RASGRP2: variants seen among roughly 807,000 people sequenced by gnomAD.
RASGRP2 encodes the protein RAS guanyl releasing protein 2.
RASGRP2 carries 44 observed loss-of-function variants against 71.0 expected under a neutral mutation model. That is an observed-to-expected ratio of 0.62 (90% CI 0.49 to 0.80). The LOEUF is 0.80. Ranked by LOEUF, RASGRP2 falls within the 30% of genes least tolerant of loss-of-function variation. The pLI is 0.00. For missense variants in RASGRP2, 663 were observed against 813.4 expected (o/e 0.82, Z 2.25); for synonymous variants, 350 against 330.7 (o/e 1.06, Z -0.63).
In RASGRP2 at chr11:64,739,588, A is replaced by T; in HGVS notation, c.696+48T>A. The T allele has an allele frequency of 6.2e-7, 1 of 1,612,882 alleles. No homozygotes were observed. Among genetic ancestry groups the T allele is most frequent in the Non-Finnish European group, 8.5e-7 (1 of 1,179,074 alleles). ...TTAGGGGAAGGGAAGGGTTGGCCTG[A>T]CTGGCATGTGGGGTGGTTGGGAGAC... On this transcript the variant is annotated intron_variant, in intron 7 of 16. Coordinates refer to ENST00000394432, the MANE Select transcript of RASGRP2 (RefSeq NM_001098671.2). This position sits in a 1 kb window ranked among gnomAD's most constrained non-coding sequence, Gnocchi z 4.2.
At chr11:64,740,257 C>G in intron 5 of RASGRP2, 94 bp from the exon 6 acceptor site, 1 of 1,519,490 alleles carries the variant, frequency 6.6e-7, no homozygotes, top group Non-Finnish European at 9.1e-7. Flanking sequence ...TTACTGAGAA[C>G]CTACATAATG....
chr11:64,741,320 G>A (rs2135791582), intron 4 of RASGRP2, 119 bp downstream of exon 4: 1 of 1,234,468 alleles, frequency 8.1e-7, no homozygotes, highest in East Asian at 2.5e-5. Flanking sequence ...TGCCCACCCG[G>A]ACAAGCCAGG....
At position 64,743,887 on chromosome 11, in the gene RASGRP2, G is replaced by T; in HGVS notation, c.-72+116C>A. Reference sequence around the variant, plus strand: ...CGGGGACCTAAGTGGAGGTGCAGGCGTCCGCACTTACACGCACCGGGCCAC... The same window carrying T: ...CGGGGACCTAAGTGGAGGTGCAGGCTTCCGCACTTACACGCACCGGGCCAC... On this transcript the variant is annotated intron_variant, in intron 1 of 16. Coordinates refer to ENST00000394432, the MANE Select transcript of RASGRP2 (RefSeq NM_001098671.2). This position sits in a 1 kb window ranked among gnomAD's most constrained non-coding sequence, Gnocchi z 4.9. The T allele has an allele frequency of 1.4e-6, 1 of 710,022 alleles. No homozygotes were observed. Among genetic ancestry groups the T allele is most frequent in the Non-Finnish European group, 1.8e-6 (1 of 563,128 alleles). The allele number at this position is 710,022 out of a possible 1,614,324, so 44.0% of individuals were successfully genotyped here. A position where few individuals can be genotyped will look rare whatever the true frequency, so the allele number is the denominator to read the frequency against.
chr11:64,740,238 C>T, intron 5 of RASGRP2, 75 bp from the exon 6 acceptor site: 4 of 1,579,884 alleles, frequency 2.5e-6, no homozygotes, highest in Non-Finnish European at 3.5e-6. Flanking sequence ...ACAGACACAC[C>T]ATTCACGCTT....
In RASGRP2 at chr11:64,740,036, A is replaced by G. The variant is rs746074180; in HGVS notation, c.499T>C (p.Tyr167His). 3 of 1,613,830 alleles carry G rather than the reference A, an allele frequency of 1.9e-6. No homozygotes were observed. The highest frequency in any genetic ancestry group is 3.3e-5 in the Admixed American group (2 of 60,008). Residue 167 changes from tyrosine to histidine, a missense_variant, in exon 6 of 17, where the codon TAT becomes CAT. Physicochemically the swap from Tyr to His is moderately conservative, Grantham distance 83. Transcript: ENST00000394432. ...ELAEHLTYLE[Y>H]RSFCKILFQD... ...ACCAGGATCTTGCAGAAGGAGCGAT[A>G]CTCCAAGTAGGTGAGATGCTCCGCC...
In RASGRP2 at chr11:64,741,090, G is replaced by T; in HGVS notation, c.240-11C>A. On this transcript the variant is annotated splice_polypyrimidine_tract_variant and intron_variant, in intron 4 of 16. Transcript: ENST00000394432. Reference sequence around the variant, plus strand: ...GCGGAGATCCAGTACCTGGAGGAGCGGGGAGTCACCCAAGATAGCCCTTCC... The same window carrying T: ...GCGGAGATCCAGTACCTGGAGGAGCTGGGAGTCACCCAAGATAGCCCTTCC... 6.2e-7 allele frequency: 1 copy of T among 1,611,232 alleles called. No homozygotes were observed. Among genetic ancestry groups the T allele is most frequent in the Non-Finnish European group, 8.5e-7 (1 of 1,179,846 alleles).
chr11:64,742,688 G>A lies in RASGRP2; in HGVS notation c.73+106C>T. The A allele has an allele frequency of 6.2e-6, 9 of 1,445,864 alleles. No individual in the cohort carries two copies. The highest frequency in any genetic ancestry group is 2.8e-5 in the African/African-American group (2 of 71,058). The allele number at this position is 1,445,864 out of a possible 1,614,324, so 89.6% of individuals were successfully genotyped here. A position where few individuals can be genotyped will look rare whatever the true frequency, so the allele number is the denominator to read the frequency against. ...AAGAGACTGCACGCTGCGGAGCAGG[G>A]TGGGTCCGGGTCAGGGCTGTGCCCT... On this transcript the variant is annotated intron_variant, in intron 2 of 16. Transcript: ENST00000394432. The surrounding 1 kb of genome is among the most constrained non-coding windows in gnomAD (Gnocchi z 4.7).
At chr11:64,741,375 G>A (rs1267931001) in intron 4 of RASGRP2, 64 bp downstream of exon 4, 1 of 1,470,034 alleles carries the variant, frequency 6.8e-7, no homozygotes, top group East Asian at 2.5e-5. Flanking sequence ...CCTCCTCCAG[G>A]CCAGCCTGAA....
rs963775048 is a variant in RASGRP2, at chr11:64,739,236, C to A, written c.813+124G>T. 1 of 786,016 alleles carries A rather than the reference C, an allele frequency of 1.3e-6. No individual in the cohort carries two copies. Among genetic ancestry groups the A allele is most frequent in the African/African-American group, 1.7e-5 (1 of 58,538 alleles). The allele number at this position is 786,016 out of a possible 1,614,324, so 48.7% of individuals were successfully genotyped here. On this transcript the variant is annotated intron_variant, in intron 8 of 16. Coordinates refer to ENST00000394432, the MANE Select transcript of RASGRP2 (RefSeq NM_001098671.2). The surrounding 1 kb of genome is among the most constrained non-coding windows in gnomAD (Gnocchi z 4.2). ...TGTGCAAACTGAGAAAAGCACTTAA[C>A]CCCTCTGAGCCTCCATTTCCATATC...
chr11:64,735,425 G>T lies in RASGRP2; in HGVS notation c.1296+117C>A. On this transcript the variant is annotated intron_variant, in intron 11 of 16. Transcript: ENST00000394432. This position sits in a 1 kb window ranked among gnomAD's most constrained non-coding sequence, Gnocchi z 4.2. ...CCGTGCAGCTGGCCTGCCAGGCCCT[G>T]TGACTCCTAGGGGCTGAGTGCTGGG... 1 of 1,570,426 alleles carries T rather than the reference G, an allele frequency of 6.4e-7. No homozygotes were observed. The highest frequency in any genetic ancestry group is 8.7e-7 in the Non-Finnish European group (1 of 1,148,960).
In RASGRP2 at chr11:64,739,273, G is replaced by A. The variant is rs968708595; in HGVS notation, c.813+87C>T. 4.9e-6 allele frequency: 5 copies of A among 1,019,808 alleles called. No homozygotes were observed. The highest frequency in any genetic ancestry group is 4.7e-5 in the African/African-American group (3 of 63,464). 63.2% of individuals were successfully genotyped at this position (1,019,808 alleles called of 1,614,324 possible). A position where few individuals can be genotyped will look rare whatever the true frequency, so the allele number is the denominator to read the frequency against. The stretch of plus-strand genomic sequence containing the variant: ...TCCATTTCCATATCTATCAAATGAG[G>A]ACAGCTGTGCCCAGCCCCCAGTGCT... On this transcript the variant is annotated intron_variant, in intron 8 of 16. Transcript: ENST00000394432. The surrounding 1 kb of genome is among the most constrained non-coding windows in gnomAD (Gnocchi z 4.2).
intron 15 of RASGRP2, 45 bp downstream of exon 15, chr11:64,728,818 T>A: frequency 6.5e-7 from 1 of 1,528,724 alleles, no homozygotes; most frequent in Middle Eastern, 2.1e-4. Context: ...CCAGTAGCCC[T>A]GCATCCTTCC....
rs529593989 is a variant in RASGRP2 at position 64,743,261 on chromosome 11, G to A, written c.-71-324C>T. The A allele has an allele frequency of 4.6e-5, 22 of 483,388 alleles. No homozygotes were observed. Among genetic ancestry groups the A allele is most frequent in the South Asian group, 3.2e-4 (21 of 64,726 alleles). The allele number at this position is 483,388 out of a possible 1,614,324, so 29.9% of individuals were successfully genotyped here. A position where few individuals can be genotyped will look rare whatever the true frequency, so the allele number is the denominator to read the frequency against. ...CTTCTCCTCGCGCCCTCTCCCCAGA[G>A]GCACCTGCAGCACCCCGCAGCTCGG... On this transcript the variant is annotated intron_variant, in intron 1 of 16. Transcript: ENST00000394432. This position sits in a 1 kb window ranked among gnomAD's most constrained non-coding sequence, Gnocchi z 4.9.
chr11:64,742,626 ATC>A lies in RASGRP2; in HGVS notation c.73+166_73+167del. 1.1e-6 allele frequency: 1 copy of A among 887,728 alleles called. No homozygotes were observed. The highest frequency in any genetic ancestry group is 1.8e-6 in the Non-Finnish European group (1 of 565,188). 55.0% of individuals were successfully genotyped at this position (887,728 alleles called of 1,614,324 possible). Reference sequence around the variant, plus strand: ...AACCTCATCTGTCTGAAGGGCGTGCATCTCTCTGCCCTGCGTTGCGGAGGAGG... The same window carrying A: ...AACCTCATCTGTCTGAAGGGCGTGCATCTCTGCCCTGCGTTGCGGAGGAGG... On this transcript the variant is annotated intron_variant, in intron 2 of 16. Coordinates refer to ENST00000394432, the MANE Select transcript of RASGRP2 (RefSeq NM_001098671.2). This position sits in a 1 kb window ranked among gnomAD's most constrained non-coding sequence, Gnocchi z 4.7.
rs1176435144 is a variant in RASGRP2 at position 64,743,030 on chromosome 11, G to A, written c.-71-93C>T. 7.5e-7 allele frequency: 1 copy of A among 1,340,248 alleles called. No individual in the cohort carries two copies. The highest frequency in any genetic ancestry group is 2.0e-5 in the Admixed American group (1 of 49,780). The allele number at this position is 1,340,248 out of a possible 1,614,324, so 83.0% of individuals were successfully genotyped here. A position where few individuals can be genotyped will look rare whatever the true frequency, so the allele number is the denominator to read the frequency against. On this transcript the variant is annotated intron_variant, in intron 1 of 16. Transcript: ENST00000394432. The surrounding 1 kb of genome is among the most constrained non-coding windows in gnomAD (Gnocchi z 4.9). ...ACGGGGCGGGGCGGGCACGCCCCCT[G>A]CTGGACAGGGGCGGAGTTGTCCCCC...
rs753596335 is a variant in RASGRP2 at position 64,735,936 on chromosome 11, C to T, written c.1140G>A (p.Leu380=). 1 of 1,614,048 alleles carries T rather than the reference C, an allele frequency of 6.2e-7. No individual in the cohort carries two copies. The highest frequency in any genetic ancestry group is 1.7e-5 in the Admixed American group (1 of 60,014). The part of the protein sequence containing the change: ...QYQTEDELYQ[L]SLQREPRSKS... Reference sequence around the variant, plus strand: ...TGGAGCGCGGCTCCCGCTGCAGGGACAGCTGGTACAGCTCATCCTCCGTCT... The same window carrying T: ...TGGAGCGCGGCTCCCGCTGCAGGGATAGCTGGTACAGCTCATCCTCCGTCT... The change falls in exon 10 of 17, where the codon CTG becomes CTA. Residue 380 remains leucine (L), a synonymous_variant. Transcript: ENST00000394432. This position sits in a 1 kb window ranked among gnomAD's most constrained non-coding sequence, Gnocchi z 4.2.
intron 9 of RASGRP2, 43 bp from the exon 10 acceptor site, chr11:64,736,023 C>T (rs764734994): frequency 1.7e-5 from 27 of 1,558,464 alleles, no homozygotes; most frequent in East Asian, 1.3e-4. Context: ...CCCCTGCCCA[C>T]AGCCACAGAG....
Position 64,743,222 on chromosome 11 carries a change from C to A in RASGRP2, c.-71-285G>T. On this transcript the variant is annotated intron_variant, in intron 1 of 16. Transcript: ENST00000394432. The surrounding 1 kb of genome is among the most constrained non-coding windows in gnomAD (Gnocchi z 4.9). ...ATCCCAGGACTGGCTGGCGCCCAGC[C>A]CCCCGCAGGGCGCCTTCTCCTCGCG... 1.9e-6 allele frequency: 1 copy of A among 519,432 alleles called. No individual in the cohort carries two copies. Among genetic ancestry groups the A allele is most frequent in the South Asian group, 1.5e-5 (1 of 65,078 alleles). 32.2% of individuals were successfully genotyped at this position (519,432 alleles called of 1,614,324 possible). A position where few individuals can be genotyped will look rare whatever the true frequency, so the allele number is the denominator to read the frequency against.
Position 64,727,331 on chromosome 11 carries a change from C to G in RASGRP2, c.1801G>C (p.Glu601Gln). ...AAGTGGATGTCAAACACCCCATCCT[C>G]CACCGTCTGTACCTCCTCCTCACGG... ...EIREEEVQTV[E>Q]DGVFDIHL is the part of the protein sequence containing the mutation. The change falls in exon 16 of 17, where the codon GAG (glutamate) becomes CAG (glutamine). Residue 601 changes from glutamate (E) to glutamine (Q), a missense_variant. Glu to Gln is a conservative substitution (Grantham distance 29). Coordinates refer to ENST00000394432, the MANE Select transcript of RASGRP2 (RefSeq NM_001098671.2). 1.9e-6 allele frequency: 3 copies of G among 1,613,984 alleles called. No individual in the cohort carries two copies. Among genetic ancestry groups the G allele is most frequent in the Middle Eastern group, 3.3e-4 (2 of 6,062 alleles).
Sources: gnomAD v4.1 joint callset for allele counts on GRCh38, gnomAD v4.1.1 for gene constraint, Gnocchi (gnomAD v3.1) non-coding constraint, MANE v1.5 for transcripts, NCBI Gene and HGNC (gene_info 2026-07-23, HGNC 2026-07-21) for gene names.